SGCG: variants seen among roughly 807,000 people sequenced by gnomAD.
SGCG encodes the protein gamma-sarcoglycan.
A neutral mutation model predicts 29.3 loss-of-function variants in SGCG; 26 were observed. The ratio of observed to expected loss-of-function variants is 0.89; its 90% CI spans 0.65 to 1.23. The LOEUF (loss-of-function observed/expected upper bound fraction) is 1.23, where lower values mean the gene tolerates loss of function less well. SGCG is among the 50% of genes most tolerant of loss of function. The pLI, the probability that SGCG is intolerant of heterozygous loss-of-function variation, is 0.00. For missense variants in SGCG, 353 were observed against 356.0 expected (o/e 0.99, Z 0.07); for synonymous variants, 145 against 129.7 (o/e 1.12, Z -0.80).
chr13:23,176,260 G>A (rs1876551779), upstream of SGCG, among the ~76,000 whole-genome samples: 1 of 152,066 alleles, frequency 6.6e-6, no homozygotes, highest in Non-Finnish European at 1.5e-5. Context: ...CTTGAGTTTA[G>A]TTCATTGACG....
chr13:23,165,054 C>T, the SGCG span, among the ~76,000 whole-genome samples: 1 of 152,290 alleles, frequency 6.6e-6, no homozygotes, highest in East Asian at 1.9e-4. Context: ...AGATTAGATA[C>T]TTATTTGAGG....
At chr13:23,178,452 G>C (rs1876628607), upstream of SGCG, among the ~76,000 whole-genome samples, 1 of 152,192 alleles carries the variant, frequency 6.6e-6, no homozygotes, top group Admixed American at 6.5e-5. Context: ...ATTGTGGGGA[G>C]ACAATGCGTG....
intron 2 of SGCG, among the ~76,000 whole-genome samples, chr13:23,212,462 T>C (rs61948486): frequency 0.061 from 9,255 of 152,186 alleles, 399 homozygotes; most frequent in Middle Eastern, 0.15. Flanking sequence ...ATAAAACTTA[T>C]GCTCTGTAAG....
the SGCG span, among the ~76,000 whole-genome samples, chr13:23,173,059 T>C: frequency 1.3e-5 from 2 of 152,148 alleles, no homozygotes; most frequent in Non-Finnish European, 2.9e-5. Flanking sequence ...GACAAAAGAA[T>C]GAGGCCAGTG....
Position 23,206,223 on chromosome 13 carries a change from G to A in SGCG, c.195+2334G>A, listed in dbSNP as rs191538586. Among the ~76,000 whole-genome samples the A allele has an allele frequency of 1.8e-3, 269 of 152,152 alleles. 2 individuals carry two copies. The highest frequency in any genetic ancestry group is 6.0e-3 in the African/African-American group (247 of 41,506). ...TTAACAGATTTTAATTGTACAATAC[G>A]ATATCATTAACAATAGGTACAATGT... On this transcript the variant is annotated intron_variant, in intron 2 of 7. Coordinates refer to ENST00000218867, the MANE Select transcript of SGCG (RefSeq NM_000231.3).
intron 5 of SGCG, among the ~76,000 whole-genome samples, chr13:23,289,102 G>A (rs767031730): frequency 1.3e-5 from 2 of 152,160 alleles, no homozygotes; most frequent in East Asian, 1.9e-4. Flanking sequence ...ATGTTAAGTC[G>A]AAAAAGACGT....
chr13:23,299,327 C>T, intron 6 of SGCG, among the ~76,000 whole-genome samples: 1 of 145,580 alleles, frequency 6.9e-6, no homozygotes, highest in Non-Finnish European at 1.5e-5. Flanking sequence ...CAACTATGTT[C>T]CACTTTTTAT....
At chr13:23,201,365 C>T (rs902336567) in intron 1 of SGCG, among the ~76,000 whole-genome samples, 6 of 2,122 alleles carry the variant, frequency 2.8e-3, no homozygotes, top group Non-Finnish European at 4.9e-3. Context: ...GGTCACCTTA[C>T]GTGGAAGAGG....
At chr13:23,166,365 T>C in the SGCG span, among the ~76,000 whole-genome samples, 1 of 152,088 alleles carries the variant, frequency 6.6e-6, no homozygotes, top group African/African-American at 2.4e-5. Context: ...CCAGCTAATT[T>C]TTGTATTTTT....
intron 2 of SGCG, among the ~76,000 whole-genome samples, chr13:23,205,448 G>A (rs1483897146): frequency 6.6e-6 from 1 of 152,184 alleles, no homozygotes; most frequent in African/African-American, 2.4e-5. Context: ...TCCTGGGTAG[G>A]AGGCCCATGG....
rs760108586 is a variant in SGCG, at chr13:23,203,799, T to A, written c.105T>A (p.Cys35Ter). 1.2e-6 allele frequency: 2 copies of A among 1,613,986 alleles called. No individual in the cohort carries two copies. The highest frequency in any genetic ancestry group is 1.7e-6 in the Non-Finnish European group (2 of 1,179,806). ...KIGIYGWRKR[C>*]LYLFVLLLLI... Reference sequence around the variant, plus strand: ...GCATTTATGGCTGGAGAAAGCGCTGTCTCTACTTGTTTGTTCTTCTTTTAC... The same window carrying A: ...GCATTTATGGCTGGAGAAAGCGCTGACTCTACTTGTTTGTTCTTCTTTTAC... Residue 35 changes from cysteine to a stop codon, truncating the protein, a stop_gained, in exon 2 of 8, where the codon TGT becomes TGA. Transcript: ENST00000218867. LOFTEE classifies it high-confidence loss of function.
chr13:23,304,547 G>A (rs1753097), intron 6 of SGCG, among the ~76,000 whole-genome samples: 109,702 of 151,780 alleles, frequency 0.72, 41,537 homozygotes, highest in East Asian at 0.89. Flanking sequence ...CTATTGCACC[G>A]GTCTCTCCAT....
At chr13:23,263,857 C>A (rs1167329664) in intron 4 of SGCG, among the ~76,000 whole-genome samples, 6 of 151,988 alleles carry the variant, frequency 3.9e-5, no homozygotes, top group Admixed American at 3.3e-4. Flanking sequence ...GCAGAAAAAG[C>A]ATTAAACAAA....
At chr13:23,183,755 C>T (rs1036524372) in intron 1 of SGCG, among the ~76,000 whole-genome samples, 2 of 152,114 alleles carry the variant, frequency 1.3e-5, no homozygotes, top group African/African-American at 4.8e-5. Context: ...TGCAAACTCA[C>T]CTCCCGGGTT....
rs968981961 is a variant in SGCG at position 23,213,817 on chromosome 13, C to A, written c.195+9928C>A. On this transcript the variant is annotated intron_variant, in intron 2 of 7. Coordinates refer to ENST00000218867, the MANE Select transcript of SGCG (RefSeq NM_000231.3). ...GCCTTCATCGAGAGGCTGGCAGGTG[C>A]CCCTAAGGCAGCTGCATGCAGCCAC... 3.9e-5 allele frequency among the ~76,000 whole-genome samples: 6 copies of A among 152,166 alleles called. No individual in the cohort carries two copies. In the East Asian group the frequency reaches 9.7e-4, roughly 25 times the overall value.
intron 5 of SGCG, among the ~76,000 whole-genome samples, chr13:23,291,296 G>A (rs1025207646): frequency 6.6e-6 from 1 of 151,782 alleles, no homozygotes; most frequent in African/African-American, 2.4e-5. Flanking sequence ...CTTTTTTCCT[G>A]TCTAAAATTT....
chr13:23,262,151 T>C (rs1228417593), intron 4 of SGCG, among the ~76,000 whole-genome samples: 2 of 151,974 alleles, frequency 1.3e-5, no homozygotes, highest in African/African-American at 4.8e-5. Context: ...GAACAGTACC[T>C]CACATCTCAA....
At chr13:23,308,577 T>A (rs916782503) in intron 6 of SGCG, among the ~76,000 whole-genome samples, 1 of 152,100 alleles carries the variant, frequency 6.6e-6, no homozygotes, top group African/African-American at 2.4e-5. Flanking sequence ...TGTAATTTTT[T>A]TTTTTGAGAC....
rs1878861660 is a variant in SGCG, at chr13:23,225,560, GA to G, written c.196-9050del. The stretch of plus-strand genomic sequence containing the variant: ...TGATTTGGCTTGTGGGAGCCCTTCT[GA>G]GCAGGCTTTTCTGTCATTTCACTGT... On this transcript the variant is annotated intron_variant, in intron 2 of 7. Coordinates refer to ENST00000218867, the MANE Select transcript of SGCG (RefSeq NM_000231.3). Among the ~76,000 whole-genome samples, 5 of 152,198 alleles carry G rather than the reference GA, an allele frequency of 3.3e-5. No homozygotes were observed. In the South Asian group the frequency reaches 8.3e-4, roughly 25 times the overall value.
Sources: allele counts gnomAD v4.1 joint callset (sites outside exome capture counted in the v4.1 genomes callset), GRCh38; gene constraint gnomAD v4.1.1; transcripts MANE v1.5; gene names NCBI Gene and HGNC (gene_info 2026-07-23, HGNC 2026-07-21).